ASIC2: variants seen among roughly 807,000 people sequenced by gnomAD.
ASIC2 encodes the protein acid-sensing ion channel 2.
ASIC2 carries 25 observed loss-of-function variants against 57.3 expected under a neutral mutation model. The ratio of observed to expected loss-of-function variants is 0.44; its 90% confidence interval spans 0.32 to 0.61. The LOEUF is 0.61. Ranked by LOEUF, ASIC2 falls within the 20% of genes least tolerant of loss-of-function variation. The probability of loss-of-function intolerance (pLI) is 0.06; values close to 1 mark genes in which losing one functional copy is unlikely to be tolerated. For missense variants in ASIC2, 641 were observed against 738.1 expected (o/e 0.87, Z 1.52); for synonymous variants, 319 against 307.5 (o/e 1.04, Z -0.39).
intron 1 of ASIC2, among the ~76,000 whole-genome samples, chr17:33,520,182 T>C (rs1914698103): frequency 6.6e-6 from 1 of 152,168 alleles, no homozygotes; most frequent in Non-Finnish European, 1.5e-5. Flanking sequence ...AATAAATGCA[T>C]TGTAGTCACA....
chr17:33,228,513 G>A (rs1183758464), intron 1 of ASIC2, among the ~76,000 whole-genome samples: 1 of 152,216 alleles, frequency 6.6e-6, no homozygotes, highest in Non-Finnish European at 1.5e-5. Flanking sequence ...TGGTGTGAGT[G>A]CGTGACATCC....
At chr17:33,855,261 T>G (rs963771965) in intron 1 of ASIC2, among the ~76,000 whole-genome samples, 1 of 152,166 alleles carries the variant, frequency 6.6e-6, no homozygotes, top group Admixed American at 6.5e-5. Context: ...CTGGAGACCC[T>G]GCTCTGCCCC....
intron 1 of ASIC2, among the ~76,000 whole-genome samples, chr17:33,968,069 C>T (rs141093708): frequency 5.0e-4 from 76 of 152,328 alleles, no homozygotes; most frequent in Admixed American, 7.8e-4. Flanking sequence ...CTTGTCAATA[C>T]CCGTATTGTG....
chr17:33,856,574 T>TG (rs1913959965), intron 1 of ASIC2, among the ~76,000 whole-genome samples: 2 of 152,146 alleles, frequency 1.3e-5, no homozygotes, highest in East Asian at 1.9e-4. Context: ...GTGGTGGTGC[T>TG]GTTGGCTGTA....
chr17:33,294,610 CAT>C (rs1384938196), upstream of ASIC2, among the ~76,000 whole-genome samples: 2 of 152,072 alleles, frequency 1.3e-5, no homozygotes, highest in African/African-American at 4.8e-5. Context: ...TACAAGCACA[CAT>C]ATACACAAAC....
At chr17:33,924,215 T>C (rs552532937) in intron 1 of ASIC2, among the ~76,000 whole-genome samples, 3 of 152,348 alleles carry the variant, frequency 2.0e-5, no homozygotes, top group African/African-American at 7.2e-5. Flanking sequence ...TACCTGACTC[T>C]CCTGCACTGC....
intron 1 of ASIC2, among the ~76,000 whole-genome samples, chr17:34,061,784 CATT>C (rs1908980694): frequency 6.6e-6 from 1 of 152,110 alleles, no homozygotes; most frequent in Admixed American, 6.5e-5. Context: ...CAAAGAAGGA[CATT>C]ATATAATGGT....
chr17:33,888,059 C>T (rs1914871718), intron 1 of ASIC2, among the ~76,000 whole-genome samples: 1 of 152,186 alleles, frequency 6.6e-6, no homozygotes, highest in Non-Finnish European at 1.5e-5. Context: ...ATCTGCTGTG[C>T]TGACCACATT....
intron 1 of ASIC2, among the ~76,000 whole-genome samples, chr17:33,644,598 C>A (rs913009498): frequency 1.3e-5 from 2 of 152,146 alleles, no homozygotes; most frequent in African/African-American, 4.8e-5. Flanking sequence ...CATGAATTAA[C>A]CCTCAAAAAT....
chr17:33,836,495 G>T (rs368961532), intron 1 of ASIC2, among the ~76,000 whole-genome samples: 95 of 152,082 alleles, frequency 6.2e-4, no homozygotes, highest in African/African-American at 2.1e-3. Context: ...TCTTCATAAA[G>T]CTTTAAGAGG....
intron 1 of ASIC2, among the ~76,000 whole-genome samples, chr17:34,095,971 G>T (rs986518268): frequency 1.3e-5 from 2 of 151,886 alleles, no homozygotes; most frequent in African/African-American, 4.8e-5. Flanking sequence ...GCAAACTAAA[G>T]CTCAGAAAAA....
rs111673234 is a variant in ASIC2 at position 33,057,489 on chromosome 17, G to T, written c.988-29097C>A. ...CAGGGAGGTGGACCTGAACATGATG[G>T]CTGGAAGCCAATGCAAGAGTTTTAA... On this transcript the variant is annotated intron_variant, in intron 3 of 9. Transcript: ENST00000225823. Among the ~76,000 whole-genome samples the T allele has an allele frequency of 3.1e-3, 468 of 152,320 alleles. 1 individual carries two copies. The highest frequency in any genetic ancestry group is 9.3e-3 in the African/African-American group (388 of 41,566).
chr17:33,094,513 T>G (rs1003559899), intron 2 of ASIC2, among the ~76,000 whole-genome samples: 1 of 152,152 alleles, frequency 6.6e-6, no homozygotes, highest in Non-Finnish European at 1.5e-5. Context: ...CTTTTAGTAT[T>G]CAATTTGAGG....
intron 1 of ASIC2, among the ~76,000 whole-genome samples, chr17:33,241,485 T>A (rs549902548): frequency 6.6e-6 from 1 of 152,364 alleles, no homozygotes; most frequent in South Asian, 2.1e-4. Flanking sequence ...GTCCACAGAA[T>A]TCTGGCATTC....
intron 1 of ASIC2, among the ~76,000 whole-genome samples, chr17:33,819,802 C>T (rs1369455149): frequency 1.3e-5 from 2 of 152,210 alleles, no homozygotes; most frequent in Non-Finnish European, 2.9e-5. Flanking sequence ...AAACATTAAA[C>T]ACAATGACAC....
chr17:33,577,220 C>T (rs770560569), intron 1 of ASIC2, among the ~76,000 whole-genome samples: 11 of 152,160 alleles, frequency 7.2e-5, no homozygotes, highest in Non-Finnish European at 1.6e-4. Flanking sequence ...ATTACTGCTG[C>T]AAGGGAGGGT....
chr17:34,026,686 T>C (rs1410147325), intron 1 of ASIC2, among the ~76,000 whole-genome samples: 1 of 152,194 alleles, frequency 6.6e-6, no homozygotes, highest in Non-Finnish European at 1.5e-5. Flanking sequence ...TTCCCAGCAT[T>C]CATCAACTCC....
chr17:33,177,824 G>A (rs1432543814), intron 1 of ASIC2, among the ~76,000 whole-genome samples: 1 of 152,186 alleles, frequency 6.6e-6, no homozygotes, highest in Non-Finnish European at 1.5e-5. Flanking sequence ...AACACCTACT[G>A]TGGGCCAGGT....
intron 1 of ASIC2, among the ~76,000 whole-genome samples, chr17:33,884,326 A>C (rs1449573444): frequency 6.6e-6 from 1 of 152,156 alleles, no homozygotes; most frequent in Non-Finnish European, 1.5e-5. Context: ...GGCTCTGGGA[A>C]CGCCATTTCC....
Sources: gnomAD v4.1 joint callset for allele counts (sites outside exome capture counted in the v4.1 genomes callset) on GRCh38, gnomAD v4.1.1 for gene constraint, MANE v1.5 for transcripts, NCBI Gene and HGNC (gene_info 2026-07-23, HGNC 2026-07-21) for gene names.